AP3D1: variants seen among roughly 807,000 people sequenced by gnomAD.
The protein encoded by AP3D1 is AP-3 complex subunit delta-1.
In AP3D1, 51 loss-of-function variants were observed where a neutral mutation model predicts 147.6. That is an observed-to-expected ratio of 0.35 (90% confidence interval 0.28 to 0.44). The LOEUF (loss-of-function observed/expected upper bound fraction) is 0.44. Ranked by LOEUF, AP3D1 falls within the 20% of genes least tolerant of loss-of-function variation. The pLI, the probability that AP3D1 is intolerant of heterozygous loss-of-function variation, is 1.00. For synonymous variants in AP3D1, 760 were observed against 663.0 expected (o/e 1.15, Z -2.25); for missense variants, 1,421 against 1,624.2 (o/e 0.87, Z 2.15).
intron 5 of AP3D1, among the ~76,000 whole-genome samples, chr19:2,131,298 G>A (rs991654477): frequency 5.3e-5 from 8 of 151,560 alleles, no homozygotes; most frequent in South Asian, 2.1e-4. Context: ...TGGGGACGGC[G>A]CCCATCGGCC....
At chr19:2,111,107 G>A (rs988860185) in intron 26 of AP3D1, 178 bp downstream of exon 26, 1 of 932,410 alleles carries the variant, frequency 1.1e-6, no homozygotes, top group African/African-American at 1.7e-5. Context: ...AAGTCTCAGG[G>A]CATGTCTCCA....
In AP3D1 at chr19:2,160,448, C is replaced by T. The variant is rs535392938; in HGVS notation, c.-103+3908G>A. 3.0e-4 allele frequency among the ~76,000 whole-genome samples: 45 copies of T among 152,082 alleles called. No homozygotes were observed. The East Asian group carries it at 6.4e-3, about 22-fold the overall frequency. On this transcript the variant is annotated intron_variant, in intron 1 of 14. Coordinates refer to the AP3D1 transcript ENST00000643010. ...GGAGGCTGAGGCAGGAGAATCGAAT[C>T]GCTTGAAACCAGGAGGCGGGGGTTG...
intron 15 of AP3D1, 43 bp downstream of exon 15, chr19:2,118,558 G>A (rs757512547): frequency 1.3e-6 from 2 of 1,568,316 alleles, no homozygotes; most frequent in Non-Finnish European, 1.7e-6. Context: ...AAGGCACTGA[G>A]GGCTCCCTGA....
In AP3D1 at chr19:2,123,313, A is replaced by AGCTGGGGACACGAAAATGACAGC. The variant is rs377117125; in HGVS notation, c.955+22_955+44dup. On this transcript the variant is annotated intron_variant, in intron 11 of 31. Coordinates refer to ENST00000643116, the MANE Select transcript of AP3D1 (RefSeq NM_001261826.3). ...ACTAGGAGGACCCCTAACTTCACAG[A>AGCTGGGGACACGAAAATGACAGC]GCTGGGGACACGAAAATGACAGCAC... 6.0e-4 allele frequency: 964 copies of AGCTGGGGACACGAAAATGACAGC among 1,596,922 alleles called. 8 individuals are homozygous for AGCTGGGGACACGAAAATGACAGC. The African/African-American group carries it at 0.012, about 19-fold the overall frequency.
rs967939563 is a variant in AP3D1 at position 2,115,095 on chromosome 19, C to T, written c.2349+124G>A. 2.5e-5 allele frequency: 26 copies of T among 1,046,754 alleles called. No individual in the cohort carries two copies. In the African/African-American group the frequency reaches 3.8e-4, roughly 15 times the overall value. 64.8% of individuals were successfully genotyped at this position (1,046,754 alleles called of 1,614,324 possible). On this transcript the variant is annotated intron_variant, in intron 20 of 31. Coordinates refer to ENST00000643116, the MANE Select transcript of AP3D1 (RefSeq NM_001261826.3). ...AGAGAGGCCTCTCCTCCTATGCTCTCCGGGGTGGGGCCTCATCCCAGCCAC... is the reference window on the plus strand; with the variant it reads ...AGAGAGGCCTCTCCTCCTATGCTCTTCGGGGTGGGGCCTCATCCCAGCCAC...
intron 31 of AP3D1, among the ~76,000 whole-genome samples, chr19:2,103,683 C>A (rs559627329): frequency 6.6e-6 from 1 of 152,260 alleles, no homozygotes; most frequent in East Asian, 1.9e-4. Flanking sequence ...GGGCCACAGT[C>A]CCCAGAAGGC....
At chr19:2,124,251 C>A (rs778610312) in intron 9 of AP3D1, among the ~76,000 whole-genome samples, 7 of 152,236 alleles carry the variant, frequency 4.6e-5, no homozygotes, top group Non-Finnish European at 1.0e-4. Context: ...TCTCTGGGAG[C>A]CTCCATGGTG....
chr19:2,110,959 C>T, intron 26 of AP3D1, 63 bp from the exon 27 acceptor site: 1 of 1,549,274 alleles, frequency 6.5e-7, no homozygotes, highest in South Asian at 1.2e-5. Context: ...GGCACAGCCA[C>T]CTGTCTCTTA....
chr19:2,117,445 A>C, intron 15 of AP3D1, 78 bp from the exon 16 acceptor site: 1 of 1,447,000 alleles, frequency 6.9e-7, no homozygotes, highest in Non-Finnish European at 9.1e-7. Context: ...GGGGTGGCTC[A>C]GCCCCTGGCA....
Position 2,159,076 on chromosome 19 carries a change from C to T in AP3D1, c.-103+5280G>A, listed in dbSNP as rs540472144. Among the ~76,000 whole-genome samples the T allele has an allele frequency of 1.4e-4, 21 of 152,230 alleles. 1 individual carries two copies. In the South Asian group the frequency reaches 4.4e-3, roughly 32 times the overall value. Reference sequence around the variant, plus strand: ...TGTGATCTTGGCTCACTGCAACCTCCGACTCCGGGCTCAAGTGATTCTCCT... The same window carrying T: ...TGTGATCTTGGCTCACTGCAACCTCTGACTCCGGGCTCAAGTGATTCTCCT... On this transcript the variant is annotated intron_variant, in intron 1 of 14. Transcript: ENST00000643010.
chr19:2,128,536 GAGCCGGCCCGCCCCAC>G (rs2018833082), intron 8 of AP3D1, among the ~76,000 whole-genome samples: 1 of 123,378 alleles, frequency 8.1e-6, no homozygotes, highest in Admixed American at 7.9e-5. Flanking sequence ...GCACCCCGTG[GAGCCGGCCCGCCCCAC>G]AGCTCCGACA....
intron 24 of AP3D1, 112 bp downstream of exon 24, chr19:2,112,748 G>C: frequency 1.4e-6 from 1 of 738,574 alleles, no homozygotes; most frequent in Non-Finnish European, 2.2e-6. Flanking sequence ...CAACACAAAT[G>C]CGAGAGCAGG....
At chr19:2,132,822 C>T (rs777252849) in intron 4 of AP3D1, among the ~76,000 whole-genome samples, 2 of 152,162 alleles carry the variant, frequency 1.3e-5, no homozygotes, top group South Asian at 2.1e-4. Context: ...GGGATGGGCG[C>T]GGCTGGGAAC....
At chr19:2,127,885 T>A (rs1487558652) in intron 8 of AP3D1, among the ~76,000 whole-genome samples, 2 of 152,218 alleles carry the variant, frequency 1.3e-5, no homozygotes, top group Admixed American at 6.5e-5. Flanking sequence ...TCGCAGCTGC[T>A]TACAGCTTTA....
intron 8 of AP3D1, among the ~76,000 whole-genome samples, chr19:2,127,433 G>C (rs1233435224): frequency 6.6e-6 from 1 of 152,244 alleles, no homozygotes; most frequent in African/African-American, 2.4e-5. Context: ...GCCCGTGACA[G>C]CATCCACGCA....
At chr19:2,151,782 G>T (rs912958404), upstream of AP3D1, among the ~76,000 whole-genome samples, 13 of 152,250 alleles carry the variant, frequency 8.5e-5, no homozygotes, top group Non-Finnish European at 1.8e-4. Context: ...GTGGCCTCCG[G>T]AACTCCGCCT....
chr19:2,124,420 G>A (rs1225846715), intron 9 of AP3D1, among the ~76,000 whole-genome samples: 1 of 152,188 alleles, frequency 6.6e-6, no homozygotes, highest in African/African-American at 2.4e-5. Flanking sequence ...GCAGGGACAG[G>A]CAGGCAGCGA....
intron 5 of AP3D1, among the ~76,000 whole-genome samples, chr19:2,131,518 A>G (rs1311692485): frequency 8.7e-6 from 1 of 114,772 alleles, no homozygotes; most frequent in Non-Finnish European, 1.8e-5. Context: ...GACAGGGCCC[A>G]TCGGCCACGA....
In AP3D1 at chr19:2,114,894, G is replaced by T. The variant is rs1408334136; in HGVS notation, c.2350-73C>A. On this transcript the variant is annotated intron_variant, in intron 20 of 31. Coordinates refer to ENST00000643116, the MANE Select transcript of AP3D1 (RefSeq NM_001261826.3). ...TGGTGGAACGCCATCTATCTGGGACGCAGTGGGACTGCCCATGCGGGCCAC... is the reference window on the plus strand; with the variant it reads ...TGGTGGAACGCCATCTATCTGGGACTCAGTGGGACTGCCCATGCGGGCCAC... The T allele has an allele frequency of 5.3e-6, 8 of 1,515,208 alleles. 1 individual carries two copies. The South Asian group carries it at 6.8e-5, about 13-fold the overall frequency. The allele number at this position is 1,515,208 out of a possible 1,614,324, so 93.9% of individuals were successfully genotyped here.
Sources: gnomAD v4.1 joint callset for allele counts (sites outside exome capture counted in the v4.1 genomes callset) on GRCh38, gnomAD v4.1.1 for gene constraint, MANE v1.5 for transcripts, NCBI Gene and HGNC (gene_info 2026-07-23, HGNC 2026-07-21) for gene names.